Variants in FNDC3A observed in about 807,000 individuals in gnomAD.
The protein encoded by FNDC3A is fibronectin type-III domain-containing protein 3A.
In FNDC3A, 32 loss-of-function variants were observed where a neutral mutation model predicts 148.9. The ratio of observed to expected loss-of-function variants is 0.21; its 90% CI spans 0.16 to 0.29. The LOEUF (loss-of-function observed/expected upper bound fraction) is 0.29, where lower values mean the gene tolerates loss of function less well. FNDC3A is among the 10% of genes least tolerant of loss of function. The pLI is 1.00. For synonymous variants in FNDC3A, 472 were observed against 473.6 expected, an observed-to-expected ratio of 1.00 and a Z score of 0.04; for missense variants, 1,191 against 1,452.8, an observed-to-expected ratio of 0.82 and a Z score of 2.93.
chr13:49,040,720 A>G (rs1874858132), intron 2 of FNDC3A, among the ~76,000 whole-genome samples: 2 of 152,326 alleles, frequency 1.3e-5, no homozygotes, highest in South Asian at 4.1e-4. Flanking sequence ...CCACTTTATG[A>G]TAGTATATTT....
intron 19 of FNDC3A, among the ~76,000 whole-genome samples, chr13:49,193,441 T>C (rs1885991267): frequency 6.6e-6 from 1 of 152,120 alleles, no homozygotes; most frequent in African/African-American, 2.4e-5. Context: ...TTTACTTTTT[T>C]ATAGAGATGG....
rs764061686 is a variant in FNDC3A at position 49,114,672 on chromosome 13, A to G, written c.193A>G (p.Met65Val). ...QCITGPAQVPMMSPNGSVPPI... is the reference protein window; with the variant it reads ...QCITGPAQVPVMSPNGSVPPI... The stretch of plus-strand genomic sequence containing the variant: ...CCATTCAGGTCCTGCTCAGGTTCCA[A>G]TGATGTCCCCAAATGGTTCTGTGCC... The change falls in exon 4 of 26, where the codon ATG becomes GTG. Residue 65 changes from methionine (M) to valine (V), a missense_variant. Coordinates refer to ENST00000492622, the MANE Select transcript of FNDC3A (RefSeq NM_001079673.2). 7.4e-6 allele frequency: 12 copies of G among 1,612,786 alleles called. No homozygotes were observed. The highest frequency in any genetic ancestry group is 5.0e-5 in the Admixed American group (3 of 59,986).
At chr13:49,197,598 G>T in intron 20 of FNDC3A, 127 bp from the exon 21 acceptor site, 1 of 705,278 alleles carries the variant, frequency 1.4e-6, no homozygotes. Flanking sequence ...TTTTGATTGT[G>T]CTTAAAAGTT....
At chr13:49,177,184 C>T (rs1236632935) in intron 13 of FNDC3A, among the ~76,000 whole-genome samples, 8 of 152,278 alleles carry the variant, frequency 5.3e-5, no homozygotes, top group South Asian at 4.1e-4. Flanking sequence ...TTTGGAACCA[C>T]ATAGGCTGCA....
At chr13:49,075,103 C>T (rs1325684892) in intron 2 of FNDC3A, among the ~76,000 whole-genome samples, 186 bp from the exon 3 acceptor site, 1 of 152,040 alleles carries the variant, frequency 6.6e-6, no homozygotes, top group African/African-American at 2.4e-5. Flanking sequence ...TTACTTTTGG[C>T]TTACGTCTAA....
intron 1 of FNDC3A, among the ~76,000 whole-genome samples, chr13:48,991,696 GA>G (rs948107508): frequency 3.4e-5 from 5 of 147,286 alleles, no homozygotes; most frequent in African/African-American, 1.3e-4. Context: ...TCAAAAAAAA[GA>G]AAAAAGGAAA....
intron 2 of FNDC3A, among the ~76,000 whole-genome samples, chr13:49,038,236 G>A (rs1043823763): frequency 6.6e-6 from 1 of 152,118 alleles, no homozygotes; most frequent in South Asian, 2.1e-4. Flanking sequence ...TGGGTCAAAA[G>A]ACAACTTTTT....
chr13:49,194,463 G>C (rs1454436576), intron 19 of FNDC3A, among the ~76,000 whole-genome samples: 1 of 152,124 alleles, frequency 6.6e-6, no homozygotes, highest in Non-Finnish European at 1.5e-5. Context: ...TTGTAAACTT[G>C]CCATCTGGGA....
intron 1 of FNDC3A, among the ~76,000 whole-genome samples, chr13:48,978,807 A>G (rs1951648096): frequency 6.6e-6 from 1 of 152,206 alleles, no homozygotes; most frequent in Admixed American, 6.5e-5. Flanking sequence ...CAAAACAAGA[A>G]ATATGGCTCC....
rs1236509856 is a variant in FNDC3A at position 49,063,693 on chromosome 13, C to T, written c.100-11596C>T. On this transcript the variant is annotated intron_variant, in intron 2 of 25. Coordinates refer to ENST00000492622, the MANE Select transcript of FNDC3A (RefSeq NM_001079673.2). ...GGAACAAAATATCTTTAAACAATTG[C>T]CCCTGGGCATGGGTGCATAGGGTGT... Among the ~76,000 whole-genome samples, 2 of 152,130 alleles carry T rather than the reference C, an allele frequency of 1.3e-5. 1 individual carries two copies. Among genetic ancestry groups the T allele is most frequent in the South Asian group, 4.1e-4 (2 of 4,830 alleles).
At chr13:49,187,355 TA>T in intron 16 of FNDC3A, 165 bp downstream of exon 16, 3 of 820,844 alleles carry the variant, frequency 3.7e-6, no homozygotes, top group Non-Finnish European at 5.8e-6. Flanking sequence ...TTTTTTTTTT[TA>T]ATGTCATAAG....
chr13:49,120,120 C>T (rs891316271), intron 4 of FNDC3A, among the ~76,000 whole-genome samples: 5 of 152,142 alleles, frequency 3.3e-5, no homozygotes, highest in East Asian at 3.8e-4. Flanking sequence ...AAGGGAAGCC[C>T]GTCAGACTAA....
chr13:49,022,683 C>T (rs1873414921), intron 2 of FNDC3A, among the ~76,000 whole-genome samples: 1 of 152,132 alleles, frequency 6.6e-6, no homozygotes, highest in Non-Finnish European at 1.5e-5. Context: ...TAGTCATCTT[C>T]TAACTGCTAT....
At chr13:49,107,717 G>T (rs558714256) in intron 3 of FNDC3A, among the ~76,000 whole-genome samples, 1 of 152,200 alleles carries the variant, frequency 6.6e-6, no homozygotes, top group Non-Finnish European at 1.5e-5. Flanking sequence ...GTTGGGGAGG[G>T]CTCTTAAAGT....
intron 3 of FNDC3A, among the ~76,000 whole-genome samples, chr13:49,077,347 C>T (rs1483138972): frequency 6.6e-6 from 1 of 152,192 alleles, no homozygotes; most frequent in Non-Finnish European, 1.5e-5. Context: ...AACTGGAATA[C>T]AGTGAAAGAA....
intron 11 of FNDC3A, among the ~76,000 whole-genome samples, chr13:49,174,139 T>C (rs969049845): frequency 6.6e-6 from 1 of 152,138 alleles, no homozygotes; most frequent in African/African-American, 2.4e-5. Context: ...TAGTCTTCTA[T>C]GGAGATTGTA....
At chr13:49,061,421 C>T (rs1301832445) in intron 2 of FNDC3A, among the ~76,000 whole-genome samples, 2 of 11,222 alleles carry the variant, frequency 1.8e-4, no homozygotes, top group African/African-American at 5.6e-4. Flanking sequence ...CCCCTCCCCT[C>T]CCCTCCCCTC....
rs1351109219 is a variant in FNDC3A at position 49,152,692 on chromosome 13, C to A, written c.977+6757C>A. Reference sequence around the variant, plus strand: ...CCTACCCCCACCCCACCACAGTCCCCAGAGTGTGATATTCCCCTTCCTGTG... The same window carrying A: ...CCTACCCCCACCCCACCACAGTCCCAAGAGTGTGATATTCCCCTTCCTGTG... On this transcript the variant is annotated intron_variant, in intron 8 of 25. Transcript: ENST00000492622. 2.4e-4 allele frequency among the ~76,000 whole-genome samples: 36 copies of A among 149,466 alleles called. No individual in the cohort carries two copies. In the East Asian group the frequency reaches 4.2e-3, roughly 17 times the overall value.
chr13:48,979,172 A>G (rs565694190), intron 1 of FNDC3A, among the ~76,000 whole-genome samples: 6 of 152,222 alleles, frequency 3.9e-5, no homozygotes, highest in African/African-American at 1.4e-4. Flanking sequence ...TACACCTGGG[A>G]GATGTCATGT....
Sources: allele counts gnomAD v4.1 joint callset (sites outside exome capture counted in the v4.1 genomes callset), GRCh38; gene constraint gnomAD v4.1.1; transcripts MANE v1.5; gene names NCBI Gene and HGNC (gene_info 2026-07-23, HGNC 2026-07-21).